ANXA6: variants seen among roughly 807,000 people sequenced by gnomAD.
ANXA6 encodes 67 kDa calelectrin.
In ANXA6, 71 loss-of-function variants were observed where a neutral mutation model predicts 95.4. The observed-to-expected ratio is 0.74, with a 90% CI of 0.61 to 0.91. The LOEUF is 0.91. Among genes scored for constraint, ANXA6 ranks in the 40% least tolerant of loss-of-function variants. The pLI is 0.00. For missense variants in ANXA6, 830 were observed against 876.4 expected, an observed-to-expected ratio of 0.95 and a Z score of 0.67; for synonymous variants, 289 against 315.9, an observed-to-expected ratio of 0.91 and a Z score of 0.90.
intron 7 of ANXA6, among the ~76,000 whole-genome samples, chr5:151,135,328 T>C (rs1765628847): frequency 6.6e-6 from 1 of 152,076 alleles, no homozygotes; most frequent in Non-Finnish European, 1.5e-5. Flanking sequence ...GACACTCCTC[T>C]CCAGAACAAG....
intron 14 of ANXA6, among the ~76,000 whole-genome samples, chr5:151,126,006 G>T (rs116526315): frequency 0.016 from 2,473 of 152,222 alleles, 61 homozygotes; most frequent in African/African-American, 0.057. Flanking sequence ...CCTGTCCTTT[G>T]TGGACCCCCA....
chr5:151,126,624 TCTCCAGC>T lies in ANXA6; in HGVS notation c.978-151_978-145del, dbSNP rs1233108353. On this transcript the variant is annotated intron_variant, in intron 13 of 25. Coordinates refer to ENST00000354546, the MANE Select transcript of ANXA6 (RefSeq NM_001155.5). ...CCACACACACATTAAGCTTTCTTTC[TCTCCAGC>T]CTATGCCTCCTCCATTCGCCAGAGT... 4 of 686,290 alleles carry T rather than the reference TCTCCAGC, an allele frequency of 5.8e-6. No individual in the cohort carries two copies. In the African/African-American group the frequency reaches 7.1e-5, roughly 12 times the overall value. The allele number at this position is 686,290 out of a possible 1,614,324, so 42.5% of individuals were successfully genotyped here.
intron 23 of ANXA6, among the ~76,000 whole-genome samples, chr5:151,105,579 A>T (rs1477449648): frequency 6.6e-6 from 1 of 152,024 alleles, no homozygotes; most frequent in Non-Finnish European, 1.5e-5. Context: ...AAGGTAATTA[A>T]CTCCTCATGA....
chr5:151,127,039 C>T (rs1026071970), intron 13 of ANXA6, among the ~76,000 whole-genome samples: 3 of 152,226 alleles, frequency 2.0e-5, no homozygotes, highest in African/African-American at 7.2e-5. Flanking sequence ...TTAAGGGCAG[C>T]CTTCCTGGCT....
intron 7 of ANXA6, 68 bp downstream of exon 7, chr5:151,136,188 C>A: frequency 1.3e-6 from 2 of 1,497,570 alleles, no homozygotes; most frequent in Non-Finnish European, 1.8e-6. Flanking sequence ...ACATTCAGAT[C>A]TACACCCAGA....
At chr5:151,150,706 T>C in intron 1 of ANXA6, among the ~76,000 whole-genome samples, 1 of 152,122 alleles carries the variant, frequency 6.6e-6, no homozygotes, top group East Asian at 1.9e-4. Context: ...AAATGGAAAC[T>C]GTACCCCCTT....
chr5:151,109,669 C>T (rs992656353), intron 22 of ANXA6, 84 bp downstream of exon 22: 3 of 1,146,898 alleles, frequency 2.6e-6, no homozygotes, highest in East Asian at 2.6e-5. Context: ...GCAACGGGCT[C>T]CTCTTGCCAC....
chr5:151,138,177 G>A (rs1405406458), intron 5 of ANXA6, among the ~76,000 whole-genome samples: 1 of 152,056 alleles, frequency 6.6e-6, no homozygotes, highest in Non-Finnish European at 1.5e-5. Flanking sequence ...TTCCTAGGGG[G>A]CAATTCTCTA....
intron 17 of ANXA6, among the ~76,000 whole-genome samples, chr5:151,120,152 G>C (rs1765122522): frequency 6.6e-6 from 1 of 152,136 alleles, no homozygotes; most frequent in African/African-American, 2.4e-5. Context: ...GAGCCATCAT[G>C]GCTGGCTTAC....
chr5:151,120,307 T>G (rs1174295137), intron 17 of ANXA6, among the ~76,000 whole-genome samples: 1 of 151,556 alleles, frequency 6.6e-6, no homozygotes, highest in Non-Finnish European at 1.5e-5. Flanking sequence ...GCAGGCAAGA[T>G]TGACTGATTG....
rs769951302 is a variant in ANXA6 at position 151,129,464 on chromosome 5, G to A, written c.861C>T (p.Leu287=). 15 of 1,612,946 alleles carry A rather than the reference G, an allele frequency of 9.3e-6. No homozygotes were observed. In the South Asian group the frequency reaches 1.1e-4, roughly 12 times the overall value. Residue 287 remains leucine (L), a synonymous_variant, in exon 12 of 26, where the codon CTC becomes CTT. Coordinates refer to ENST00000354546, the MANE Select transcript of ANXA6 (RefSeq NM_001155.5). ...IMVSRSELDM[L]DIREIFRTKY... ...TGGTCCGGAAGATCTCCCGAATGTCGAGCATGTCCAACTCACTACGGGAGA... is the reference window on the plus strand; with the variant it reads ...TGGTCCGGAAGATCTCCCGAATGTCAAGCATGTCCAACTCACTACGGGAGA...
chr5:151,112,651 G>A (rs912257238), intron 20 of ANXA6, among the ~76,000 whole-genome samples: 2 of 152,156 alleles, frequency 1.3e-5, no homozygotes, highest in African/African-American at 2.4e-5. Flanking sequence ...GGATAACGTG[G>A]AGAAACCCTA....
At chr5:151,153,567 AG>A (rs1379101741) in intron 1 of ANXA6, among the ~76,000 whole-genome samples, 3 of 152,310 alleles carry the variant, frequency 2.0e-5, no homozygotes, top group Admixed American at 2.0e-4. Flanking sequence ...CCAGCCTCCA[AG>A]GTATTATGGG....
At chr5:151,139,235 T>C (rs1765755837) in intron 4 of ANXA6, 118 bp downstream of exon 4, 1 of 695,280 alleles carries the variant, frequency 1.4e-6, no homozygotes, top group African/African-American at 1.8e-5. Flanking sequence ...CAGGGTAAGG[T>C]GTCAGCCCAC....
In ANXA6 at chr5:151,101,391, A is replaced by T. The variant is rs953494142; in HGVS notation, c.*57T>A. 23 of 1,209,358 alleles carry T rather than the reference A, an allele frequency of 1.9e-5. No homozygotes were observed. The highest frequency in any genetic ancestry group is 2.3e-5 in the Non-Finnish European group (21 of 901,734). 74.9% of individuals were successfully genotyped at this position (1,209,358 alleles called of 1,614,324 possible). A position where few individuals can be genotyped will look rare whatever the true frequency, so the allele number is the denominator to read the frequency against. On this transcript the variant is annotated 3_prime_UTR_variant, in exon 26 of 26. Transcript: ENST00000354546. The stretch of plus-strand genomic sequence containing the variant: ...GGAGCTGGAACAATCAGGCTTGGCC[A>T]TGGCGGCTGGTGCTGATAACCATTT...
intron 2 of ANXA6, chr5:151,141,697 G>C (rs774104240): frequency 2.0e-6 from 2 of 985,528 alleles, no homozygotes; most frequent in Non-Finnish European, 1.2e-6. Flanking sequence ...ATGCGTCGGC[G>C]TGGAGTTACT....
intron 9 of ANXA6, among the ~76,000 whole-genome samples, chr5:151,132,872 T>C (rs1395444232): frequency 4.6e-5 from 7 of 151,826 alleles, no homozygotes; most frequent in Admixed American, 2.6e-4. Flanking sequence ...TGCTGTCTGA[T>C]ATTAGGTTGG....
Position 151,147,767 on chromosome 5 carries a change from T to G in ANXA6, c.18+117A>C, listed in dbSNP as rs1348782606. On this transcript the variant is annotated intron_variant, in intron 2 of 25. Transcript: ENST00000354546. The stretch of plus-strand genomic sequence containing the variant: ...GGAGCAAGCAAAGCCTAAGAACCTT[T>G]CCTCCTTTTTTCAAGCTGAAGGTAC... 2.6e-6 allele frequency: 3 copies of G among 1,154,626 alleles called. No homozygotes were observed. In the Admixed American group the frequency reaches 6.6e-5, roughly 25 times the overall value. 71.5% of individuals were successfully genotyped at this position (1,154,626 alleles called of 1,614,324 possible).
At chr5:151,134,917 T>C (rs1765615153) in intron 7 of ANXA6, among the ~76,000 whole-genome samples, 1 of 152,312 alleles carries the variant, frequency 6.6e-6, no homozygotes, top group South Asian at 2.1e-4. Context: ...CTCTTATACC[T>C]TAACTTAAAG....
Sources: allele counts gnomAD v4.1 joint callset (sites outside exome capture counted in the v4.1 genomes callset), GRCh38; gene constraint gnomAD v4.1.1; transcripts MANE v1.5; gene names NCBI Gene and HGNC (gene_info 2026-07-23, HGNC 2026-07-21).